Variants in THSD7A observed in about 807,000 individuals in gnomAD.
THSD7A encodes thrombospondin type 1 domain containing 7A.
A neutral mutation model predicts 231.3 loss-of-function variants in THSD7A; 96 were observed. The observed-to-expected ratio is 0.41, with a 90% confidence interval of 0.35 to 0.49. THSD7A has a LOEUF of 0.49. THSD7A is among the 20% of genes least tolerant of loss of function. The pLI is 0.05. For missense variants in THSD7A, 2,290 were observed against 2,070.2 expected, an observed-to-expected ratio of 1.11 and a Z score of -2.06; for synonymous variants, 940 against 743.3, an observed-to-expected ratio of 1.26 and a Z score of -4.30.
At chr7:11,509,276 C>T (rs1787690404) in intron 6 of THSD7A, among the ~76,000 whole-genome samples, 1 of 152,010 alleles carries the variant, frequency 6.6e-6, no homozygotes, top group Non-Finnish European at 1.5e-5. Flanking sequence ...TAGCAATTGG[C>T]AAGTACTAGA....
chr7:11,558,039 T>A (rs1789921718), intron 4 of THSD7A, among the ~76,000 whole-genome samples: 1 of 152,168 alleles, frequency 6.6e-6, no homozygotes, highest in Non-Finnish European at 1.5e-5. Context: ...GTCCTTTGGC[T>A]AGAAAGAGCA....
At chr7:11,428,806 G>A in intron 14 of THSD7A, 141 bp downstream of exon 14, 2 of 864,770 alleles carry the variant, frequency 2.3e-6, no homozygotes, top group Non-Finnish European at 1.8e-6. Flanking sequence ...TAACATGTAT[G>A]TATTTATTCA....
At chr7:11,761,080 A>C (rs1277196266) in intron 1 of THSD7A, among the ~76,000 whole-genome samples, 1 of 151,678 alleles carries the variant, frequency 6.6e-6, no homozygotes, top group Non-Finnish European at 1.5e-5. Flanking sequence ...TAAAACAAAC[A>C]AAAAATTTTT....
rs1784262512 is a variant in THSD7A at position 11,424,749 on chromosome 7, G to A, written c.3330C>T (p.Thr1110=). ...CACAGTTCTCCCGCATATTCACAAA[G>A]GTCACCTTGCAGATGCTCCAGGGCT... ...VTEPWSICKV[T]FVNMRENCGE... Residue 1110 remains threonine (T), a synonymous_variant, in exon 16 of 28, where the codon ACC becomes ACT. Coordinates refer to ENST00000423059, the MANE Select transcript of THSD7A (RefSeq NM_015204.3). 4 of 1,613,844 alleles carry A rather than the reference G, an allele frequency of 2.5e-6. No homozygotes were observed. The highest frequency in any genetic ancestry group is 1.7e-5 in the Admixed American group (1 of 60,006).
intron 14 of THSD7A, 145 bp from the exon 15 acceptor site, chr7:11,426,816 C>A: frequency 2.6e-6 from 2 of 773,678 alleles, no homozygotes; most frequent in Admixed American, 6.7e-5. Flanking sequence ...AATATTAGAA[C>A]ATTTTTCTTA....
At position 11,831,201 on chromosome 7, in the gene THSD7A, G is replaced by T. The variant is rs1433951399; in HGVS notation, c.190+556C>A. On this transcript the variant is annotated intron_variant, in intron 1 of 27. Transcript: ENST00000423059. The surrounding 1 kb of genome is among the most constrained non-coding windows in gnomAD (Gnocchi z 5.0). ...AAGTTGTACACTTTAAAAATCCTCC[G>T]ACTCGCTAGTTAATAATTGAGTTTT... Among the ~76,000 whole-genome samples the T allele has an allele frequency of 6.6e-6, 1 of 152,170 alleles. No individual in the cohort carries two copies.
At chr7:11,624,122 T>C (rs1217693024) in intron 2 of THSD7A, among the ~76,000 whole-genome samples, 1 of 152,100 alleles carries the variant, frequency 6.6e-6, no homozygotes, top group Non-Finnish European at 1.5e-5. Flanking sequence ...AAATGAAAAC[T>C]GCCAATATTG....
intron 2 of THSD7A, among the ~76,000 whole-genome samples, chr7:11,625,376 C>CA (rs2128355198): frequency 6.6e-6 from 1 of 152,148 alleles, no homozygotes; most frequent in South Asian, 2.1e-4. Flanking sequence ...GTATTAAGCA[C>CA]AGCAGTATTT....
At position 11,593,235 on chromosome 7, in the gene THSD7A, C is replaced by A. The variant is rs1039641187; in HGVS notation, c.1271+19G>T. 4.3e-6 allele frequency: 7 copies of A among 1,612,564 alleles called. No homozygotes were observed. Among genetic ancestry groups the A allele is most frequent in the Non-Finnish European group, 5.9e-6 (7 of 1,179,656 alleles). On this transcript the variant is annotated intron_variant, in intron 3 of 27. Coordinates refer to ENST00000423059, the MANE Select transcript of THSD7A (RefSeq NM_015204.3). The stretch of plus-strand genomic sequence containing the variant: ...AAATGTAGTTTCGGCAGACGCTATA[C>A]CCTTCTTTATTTACTCACGTGGCAC...
At chr7:11,791,532 G>A (rs1280189081) in intron 1 of THSD7A, among the ~76,000 whole-genome samples, 1 of 151,962 alleles carries the variant, frequency 6.6e-6, no homozygotes, top group Non-Finnish European at 1.5e-5. Flanking sequence ...TCTGTAAAGT[G>A]TATTACATGG....
intron 6 of THSD7A, among the ~76,000 whole-genome samples, chr7:11,486,494 T>C (rs1201622820): frequency 1.3e-5 from 2 of 152,204 alleles, no homozygotes; most frequent in Non-Finnish European, 2.9e-5. Flanking sequence ...ATTTGAGACT[T>C]TGATTATCCA....
At chr7:11,609,399 C>A (rs1029547156) in intron 2 of THSD7A, among the ~76,000 whole-genome samples, 3 of 152,068 alleles carry the variant, frequency 2.0e-5, no homozygotes, top group Admixed American at 1.3e-4. Context: ...TTTGAATTAG[C>A]AAATGAGACA....
At chr7:11,490,622 T>G (rs10278654) in intron 6 of THSD7A, among the ~76,000 whole-genome samples, 23,597 of 152,038 alleles carry the variant, frequency 0.16, 1,939 homozygotes, top group South Asian at 0.25. Context: ...GAAAAATGTT[T>G]TATTCCTTTT....
intron 1 of THSD7A, among the ~76,000 whole-genome samples, chr7:11,729,444 A>AATTTATTGCAGGACAATAAATGCAG (rs1781653497): frequency 6.6e-6 from 1 of 151,778 alleles, no homozygotes; most frequent in Admixed American, 6.6e-5. Flanking sequence ...TAAATGCAGG[A>AATTTATTGCAGGACAATAAATGCAG]GAGAAACTGA....
intron 19 of THSD7A, among the ~76,000 whole-genome samples, chr7:11,407,956 C>T (rs1237997885): frequency 6.6e-6 from 1 of 151,890 alleles, no homozygotes; most frequent in East Asian, 1.9e-4. Flanking sequence ...AAATATGGGT[C>T]ACCAAAGTTT....
intron 1 of THSD7A, among the ~76,000 whole-genome samples, chr7:11,651,782 C>A (rs941694820): frequency 4.6e-5 from 7 of 151,864 alleles, no homozygotes; most frequent in Non-Finnish European, 5.9e-5. Flanking sequence ...GAAATAATAG[C>A]TCAGAAATGC....
At position 11,444,371 on chromosome 7, in the gene THSD7A, T is replaced by G. The variant is rs1784895784; in HGVS notation, c.3064+1690A>C. On this transcript the variant is annotated intron_variant, in intron 13 of 27. Transcript: ENST00000423059. The surrounding 1 kb of genome is among the most constrained non-coding windows in gnomAD (Gnocchi z 4.2). ...CACACGTATGTTTACTGTGGCACTG[T>G]TCACAATAGCAAAGACTCGGAACCA... Among the ~76,000 whole-genome samples the G allele has an allele frequency of 6.6e-6, 1 of 152,092 alleles. No individual in the cohort carries two copies. Among genetic ancestry groups the G allele is most frequent in the African/African-American group, 2.4e-5 (1 of 41,416 alleles).
At chr7:11,456,128 G>T (rs751563802) in intron 11 of THSD7A, among the ~76,000 whole-genome samples, 6 of 151,818 alleles carry the variant, frequency 4.0e-5, no homozygotes, top group Non-Finnish European at 5.9e-5. Flanking sequence ...TTAAGTGTTG[G>T]GCTGAATGGC....
chr7:11,729,527 C>T (rs571605087), intron 1 of THSD7A, among the ~76,000 whole-genome samples: 1 of 151,870 alleles, frequency 6.6e-6, no homozygotes, highest in South Asian at 2.1e-4. Flanking sequence ...AAACAAAAAA[C>T]ACGATCTATA....
Sources: gnomAD v4.1 joint callset for allele counts (sites outside exome capture counted in the v4.1 genomes callset) on GRCh38, gnomAD v4.1.1 for gene constraint, Gnocchi (gnomAD v3.1) non-coding constraint, MANE v1.5 for transcripts, NCBI Gene and HGNC (gene_info 2026-07-23, HGNC 2026-07-21) for gene names.